The following DTNA variants were observed in gnomAD, a reference collection of about 807,000 sequenced individuals.
The protein encoded by DTNA is dystrophin-related protein 3.
DTNA carries 43 observed loss-of-function variants against 100.7 expected under a neutral mutation model. The observed-to-expected ratio is 0.43, with a 90% confidence interval of 0.33 to 0.55. The LOEUF is 0.55. Ranked by LOEUF, DTNA falls within the 20% of genes least tolerant of loss-of-function variation. DTNA has a pLI of 0.04. For missense variants in DTNA, 798 were observed against 953.9 expected, an observed-to-expected ratio of 0.84 and a Z score of 2.15; for synonymous variants, 349 against 347.9, an observed-to-expected ratio of 1.00 and a Z score of -0.04.
At chr18:34,655,763 G>A (rs2074281107) in intron 1 of DTNA, among the ~76,000 whole-genome samples, 1 of 152,220 alleles carries the variant, frequency 6.6e-6, no homozygotes, top group Non-Finnish European at 1.5e-5. Context: ...ATAACTCACT[G>A]TATTTGAGCA....
chr18:34,723,287 A>G (rs2085780772), intron 1 of DTNA, among the ~76,000 whole-genome samples: 1 of 152,230 alleles, frequency 6.6e-6, no homozygotes, highest in East Asian at 1.9e-4. Context: ...CTGATCTATC[A>G]GTTGATCTTC....
At chr18:34,523,293 T>C (rs1487458288) in intron 1 of DTNA, among the ~76,000 whole-genome samples, 1 of 152,174 alleles carries the variant, frequency 6.6e-6, no homozygotes, top group East Asian at 1.9e-4. Context: ...GAGAACTAAA[T>C]TTAATTTCTT....
At chr18:34,861,659 G>A (rs2096629648) in intron 16 of DTNA, among the ~76,000 whole-genome samples, 1 of 152,100 alleles carries the variant, frequency 6.6e-6, no homozygotes, top group African/African-American at 2.4e-5. Flanking sequence ...TTGGAAGGTG[G>A]AGGTTACACC....
rs569722099 is a variant in DTNA at position 34,667,702 on chromosome 18, T to C, written c.-1-88274T>C. Among the ~76,000 whole-genome samples the C allele has an allele frequency of 3.9e-5, 6 of 152,268 alleles. No homozygotes were observed. The East Asian group carries it at 1.2e-3, about 29-fold the overall frequency. ...ATAATCATGTGGTTTTTGTCTTTGGTTCTGTTTATATGCTGGATTATGTTT... is the reference window on the plus strand; with the variant it reads ...ATAATCATGTGGTTTTTGTCTTTGGCTCTGTTTATATGCTGGATTATGTTT... On this transcript the variant is annotated intron_variant, in intron 1 of 19. Coordinates refer to the DTNA transcript ENST00000283365.
chr18:34,818,626 G>A, intron 8 of DTNA: 1 of 1,195,086 alleles, frequency 8.4e-7, no homozygotes, highest in Non-Finnish European at 1.0e-6. Flanking sequence ...AGGACCTTCT[G>A]GAACATAATC....
At chr18:34,634,784 T>C (rs2058480812) in intron 1 of DTNA, among the ~76,000 whole-genome samples, 1 of 152,204 alleles carries the variant, frequency 6.6e-6, no homozygotes. Flanking sequence ...ATGGCTAAAT[T>C]GAGCTAACAT....
chr18:34,590,681 T>C (rs940216355), intron 1 of DTNA, among the ~76,000 whole-genome samples: 2 of 152,230 alleles, frequency 1.3e-5, no homozygotes, highest in African/African-American at 4.8e-5. Context: ...AAATCAAGGG[T>C]ATCTGATTTG....
chr18:34,650,353 T>C (rs2060299124), intron 1 of DTNA, among the ~76,000 whole-genome samples: 1 of 152,092 alleles, frequency 6.6e-6, no homozygotes, highest in Admixed American at 6.6e-5. Context: ...TCCAGATACA[T>C]GAATCAACTG....
intron 1 of DTNA, among the ~76,000 whole-genome samples, chr18:34,674,643 A>AT (rs2077175730): frequency 6.6e-6 from 1 of 152,228 alleles, no homozygotes; most frequent in South Asian, 2.1e-4. Flanking sequence ...GAATAAGTTT[A>AT]TACTGCCACT....
intron 2 of DTNA, among the ~76,000 whole-genome samples, chr18:34,765,175 G>C (rs2093405354): frequency 6.6e-6 from 1 of 152,182 alleles, no homozygotes; most frequent in Non-Finnish European, 1.5e-5. Context: ...TGGGCATCAG[G>C]AGCCATGCTG....
intron 1 of DTNA, among the ~76,000 whole-genome samples, chr18:34,731,340 G>A (rs966160291): frequency 3.3e-4 from 50 of 152,070 alleles, no homozygotes; most frequent in Non-Finnish European, 5.1e-4. Flanking sequence ...TTAGCCGGGC[G>A]CGGTGGCGGG....
chr18:34,794,382 C>A, intron 4 of DTNA, 132 bp downstream of exon 4: 2 of 977,662 alleles, frequency 2.0e-6, no homozygotes, highest in Non-Finnish European at 1.5e-6. Context: ...ACAGTGGATG[C>A]TTATGTCAGT....
intron 1 of DTNA, among the ~76,000 whole-genome samples, chr18:34,746,249 G>T (rs751640075): frequency 6.6e-6 from 1 of 151,332 alleles, no homozygotes; most frequent in Non-Finnish European, 1.5e-5. Context: ...CAGATTATTT[G>T]TTTTTATTTA....
At chr18:34,671,174 C>T (rs1376346880) in intron 1 of DTNA, among the ~76,000 whole-genome samples, 1 of 152,220 alleles carries the variant, frequency 6.6e-6, no homozygotes, top group East Asian at 1.9e-4. Flanking sequence ...GGATCTCAGA[C>T]TGCTGTGCTA....
intron 3 of DTNA, among the ~76,000 whole-genome samples, chr18:34,780,589 G>A (rs1022218088): frequency 4.6e-5 from 7 of 152,190 alleles, no homozygotes; most frequent in Admixed American, 6.5e-5. Flanking sequence ...GAAAAATAAA[G>A]TGAGAAAAAT....
intron 2 of DTNA, among the ~76,000 whole-genome samples, chr18:34,764,402 T>A (rs181074361): frequency 8.4e-4 from 128 of 152,346 alleles, no homozygotes; most frequent in African/African-American, 3.1e-3. Context: ...TCTCTATCAT[T>A]GGAAATAATC....
At chr18:34,674,229 C>T (rs1045028398) in intron 1 of DTNA, among the ~76,000 whole-genome samples, 1 of 152,170 alleles carries the variant, frequency 6.6e-6, no homozygotes, top group African/African-American at 2.4e-5. Context: ...GTGATCTTGC[C>T]CTTCCGCAAA....
In DTNA at chr18:34,881,437, C is replaced by CTTTTTTTTTTTTTTTTTTTTTTTTTTTT; in HGVS notation, c.2163-607_2163-606insTTTTTTTTTTTTTTTTTTTTTTTTTTTT. Reference sequence around the variant, plus strand: ...ATAGTGGAATTGGATAATTAAAATGCTTTTTTTTTTTTTTTTTTTTTTTTT... The same window carrying CTTTTTTTTTTTTTTTTTTTTTTTTTTTT: ...ATAGTGGAATTGGATAATTAAAATGCTTTTTTTTTTTTTTTTTTTTTTTTTTTTTTTTTTTTTTTTTTTTTTTTTTTTT... On this transcript the variant is annotated intron_variant, in intron 20 of 22. Transcript: ENST00000444659. 3.9e-5 allele frequency among the ~76,000 whole-genome samples: 2 copies of CTTTTTTTTTTTTTTTTTTTTTTTTTTTT among 51,384 alleles called. 1 individual carries two copies. Among genetic ancestry groups the CTTTTTTTTTTTTTTTTTTTTTTTTTTTT allele is most frequent in the Non-Finnish European group, 7.0e-5 (2 of 28,458 alleles). 33.7% of individuals were successfully genotyped at this position (51,384 alleles called of 152,430 possible).
At chr18:34,863,701 C>T (rs1195012595) in intron 16 of DTNA, among the ~76,000 whole-genome samples, 1 of 152,124 alleles carries the variant, frequency 6.6e-6, no homozygotes, top group Non-Finnish European at 1.5e-5. Context: ...ATATTTCATT[C>T]AATGGTTGAT....
Sources: gnomAD v4.1 joint callset for allele counts (sites outside exome capture counted in the v4.1 genomes callset) on GRCh38, gnomAD v4.1.1 for gene constraint, MANE v1.5 for transcripts, NCBI Gene and HGNC (gene_info 2026-07-23, HGNC 2026-07-21) for gene names.